The following EPHB6 variants were observed in gnomAD, a reference collection of about 807,000 sequenced individuals.
EPHB6 encodes EPH receptor B6.
EPHB6 carries 51 observed loss-of-function variants against 107.0 expected under a neutral mutation model. The ratio of observed to expected loss-of-function variants is 0.48; its 90% CI spans 0.38 to 0.60. EPHB6 has a LOEUF of 0.60. Among genes scored for constraint, EPHB6 ranks in the 20% least tolerant of loss-of-function variants. EPHB6 has a pLI of 0.00. For synonymous variants in EPHB6, 553 were observed against 549.0 expected (o/e 1.01, Z -0.10); for missense variants, 1,141 against 1,355.5 (o/e 0.84, Z 2.48).
In EPHB6 at chr7:142,867,410, G is replaced by A; in HGVS notation, c.1751-198G>A. 4.5e-6 allele frequency: 3 copies of A among 659,828 alleles called. No homozygotes were observed. The highest frequency in any genetic ancestry group is 8.3e-6 in the Non-Finnish European group (3 of 362,430). The allele number at this position is 659,828 out of a possible 1,614,324, so 40.9% of individuals were successfully genotyped here. ...GAGGGCTGTGGGGATGTGTGTGTGT[G>A]TTGTGTGTCCCTGTGTGTGGATGTG... On this transcript the variant is annotated intron_variant, in intron 11 of 19. Coordinates refer to ENST00000652003, the MANE Select transcript of EPHB6 (RefSeq NM_004445.6). This position sits in a 1 kb window ranked among gnomAD's most constrained non-coding sequence, Gnocchi z 5.3.
In EPHB6 at chr7:142,866,105, T is replaced by C. The variant is rs1803158772; in HGVS notation, c.1251T>C (p.Pro417=). ...VCKECEGRQE[P]ASGGGGTCHR... ...AGGAGTGTGAAGGCCGCCAGGAACC[T>C]GCCAGCGGTGGTGGGGGCACTTGTC... Residue 417 remains proline, a synonymous_variant, in exon 9 of 20, where the codon CCT becomes CCC. Coordinates refer to ENST00000652003, the MANE Select transcript of EPHB6 (RefSeq NM_004445.6). This position sits in a 1 kb window ranked among gnomAD's most constrained non-coding sequence, Gnocchi z 5.2. 2 of 1,612,820 alleles carry C rather than the reference T, an allele frequency of 1.2e-6. No individual in the cohort carries two copies. Among genetic ancestry groups the C allele is most frequent in the South Asian group, 2.2e-5 (2 of 90,866 alleles).
chr7:142,860,870 G>C (rs1021078326), intron 1 of EPHB6, among the ~76,000 whole-genome samples, 182 bp from the exon 2 acceptor site: 1 of 152,152 alleles, frequency 6.6e-6, no homozygotes, highest in East Asian at 1.9e-4. Context: ...TTTCATATTT[G>C]TTGCAATTAA....
intron 2 of EPHB6, 52 bp from the exon 3 acceptor site, chr7:142,861,965 A>G (rs1403294113): frequency 2.6e-5 from 4 of 152,236 alleles, no homozygotes; most frequent in Non-Finnish European, 5.9e-5. Context: ...CTGCCATAAC[A>G]AAGTGCAATA....
Position 142,866,311 on chromosome 7 carries a change from A to G in EPHB6, c.1457A>G (p.His486Arg). The G allele has an allele frequency of 1.9e-6, 3 of 1,613,882 alleles. No individual in the cohort carries two copies. Among genetic ancestry groups the G allele is most frequent in the Non-Finnish European group, 2.5e-6 (3 of 1,179,998 alleles). The change falls in exon 9 of 20, where the codon CAT (histidine) becomes CGT (arginine). Residue 486 changes from histidine (H) to arginine (R), a missense_variant. Around this residue, in one of 3 missense-constraint regions of EPHB6, gnomAD observed 616 missense variants for 759.3 expected, o/e 0.81. Coordinates refer to ENST00000652003, the MANE Select transcript of EPHB6 (RefSeq NM_004445.6). This position sits in a 1 kb window ranked among gnomAD's most constrained non-coding sequence, Gnocchi z 5.2. ...QAAAINVSTS[H>R]EVPSAVPVVH... is the part of the protein sequence containing the mutation. Reference sequence around the variant, plus strand: ...GCAGCCATCAATGTCAGCACCAGCCATGAAGGTGAGCTCTTTTCCTTGGCC... The same window carrying G: ...GCAGCCATCAATGTCAGCACCAGCCGTGAAGGTGAGCTCTTTTCCTTGGCC...
At chr7:142,864,879 C>A in intron 7 of EPHB6, 130 bp downstream of exon 7, 1 of 1,109,372 alleles carries the variant, frequency 9.0e-7, no homozygotes, top group Non-Finnish European at 1.3e-6. Flanking sequence ...AGGAAAGGAC[C>A]CTGATTTTCC....
rs199837644 is a variant in EPHB6, at chr7:142,866,157, G to A, written c.1303G>A (p.Asp435Asn). 9.5e-5 allele frequency: 154 copies of A among 1,613,948 alleles called. No homozygotes were observed. Among genetic ancestry groups the A allele is most frequent in the Non-Finnish European group, 1.2e-4 (136 of 1,180,028 alleles). ...CCGCTGCAGGGATGAGGTCCACTTC[G>A]ACCCTCGCCAGAGAGGCCTGACTGA... ...CHRCRDEVHFDPRQRGLTESR... is the reference protein window; with the variant it reads ...CHRCRDEVHFNPRQRGLTESR... Residue 435 changes from aspartate to asparagine, a missense_variant, in exon 9 of 20, where the codon GAC becomes AAC. Physicochemically the swap from Asp to Asn is conservative, Grantham distance 23. This residue lies in a region of EPHB6 where 304 missense variants were observed against 295.7 expected (regional missense o/e 1.03). Transcript: ENST00000652003. The surrounding 1 kb of genome is among the most constrained non-coding windows in gnomAD (Gnocchi z 5.2).
In EPHB6 at chr7:142,863,148, C is replaced by G. The variant is rs925845214; in HGVS notation, c.-80C>G. On this transcript the variant is annotated 5_prime_UTR_variant, in exon 5 of 20. Transcript: ENST00000652003. ...TCAGGAAGCAAGCTTAGCTGTACAC[C>G]CTGAGTCTTGCAAAAGCTGCAGCCC... 8.1e-7 allele frequency: 1 copy of G among 1,239,320 alleles called. No homozygotes were observed. Among genetic ancestry groups the G allele is most frequent in the Non-Finnish European group, 1.2e-6 (1 of 852,206 alleles). The allele number at this position is 1,239,320 out of a possible 1,614,324, so 76.8% of individuals were successfully genotyped here.
rs759878856 is a variant in EPHB6 at position 142,867,496 on chromosome 7, G to A, written c.1751-112G>A. 1.7e-5 allele frequency: 15 copies of A among 876,414 alleles called. No individual in the cohort carries two copies. The highest frequency in any genetic ancestry group is 2.6e-5 in the East Asian group (1 of 38,120). The allele number at this position is 876,414 out of a possible 1,614,324, so 54.3% of individuals were successfully genotyped here. Reference sequence around the variant, plus strand: ...CTGTGCATGGATGTGGGAGGTTTGGGGCATGCGCGTGCATGTTGTGTGTGC... The same window carrying A: ...CTGTGCATGGATGTGGGAGGTTTGGAGCATGCGCGTGCATGTTGTGTGTGC... On this transcript the variant is annotated intron_variant, in intron 11 of 19. Transcript: ENST00000652003. This position sits in a 1 kb window ranked among gnomAD's most constrained non-coding sequence, Gnocchi z 5.3.
chr7:142,866,611 C>G lies in EPHB6; in HGVS notation c.1587+6C>G. On this transcript the variant is annotated splice_donor_region_variant and intron_variant, in intron 10 of 19. Transcript: ENST00000652003. This position sits in a 1 kb window ranked among gnomAD's most constrained non-coding sequence, Gnocchi z 5.2. Reference sequence around the variant, plus strand: ...AGCTCCGCTACTATGACCAGGTGCGCAGGAGGAGTGGGGGTTCCGCAGTAG... The same window carrying G: ...AGCTCCGCTACTATGACCAGGTGCGGAGGAGGAGTGGGGGTTCCGCAGTAG... 6.2e-7 allele frequency: 1 copy of G among 1,613,934 alleles called. No individual in the cohort carries two copies. The highest frequency in any genetic ancestry group is 1.7e-4 in the Middle Eastern group (1 of 6,058).
chr7:142,867,521 C>T lies in EPHB6; in HGVS notation c.1751-87C>T. 9.0e-7 allele frequency: 1 copy of T among 1,113,920 alleles called. No homozygotes were observed. The allele number at this position is 1,113,920 out of a possible 1,614,324, so 69.0% of individuals were successfully genotyped here. A position where few individuals can be genotyped will look rare whatever the true frequency, so the allele number is the denominator to read the frequency against. ...GGCATGCGCGTGCATGTTGTGTGTG[C>T]CTGTGGTGTGTGTGGGTGCCTGGGC... is the stretch of plus-strand genomic sequence containing the variant. On this transcript the variant is annotated intron_variant, in intron 11 of 19. Coordinates refer to ENST00000652003, the MANE Select transcript of EPHB6 (RefSeq NM_004445.6). The surrounding 1 kb of genome is among the most constrained non-coding windows in gnomAD (Gnocchi z 5.3).
chr7:142,871,083 G>A lies in EPHB6; in HGVS notation c.*179G>A. 1 of 707,736 alleles carries A rather than the reference G, an allele frequency of 1.4e-6. No individual in the cohort carries two copies. The highest frequency in any genetic ancestry group is 2.5e-6 in the Non-Finnish European group (1 of 406,252). 43.8% of individuals were successfully genotyped at this position (707,736 alleles called of 1,614,324 possible). ...CCCCCTCCTCATTAAAGGGAAAGAA[G>A]GGAATTTGCAGGTTTGGTGTGGTGA... On this transcript the variant is annotated 3_prime_UTR_variant, in exon 20 of 20. Transcript: ENST00000652003.
In EPHB6 at chr7:142,864,111, A is replaced by G. The variant is rs1684361352; in HGVS notation, c.311A>G (p.His104Arg). 5.0e-6 allele frequency: 8 copies of G among 1,613,872 alleles called. No individual in the cohort carries two copies. Among genetic ancestry groups the G allele is most frequent in the Non-Finnish European group, 6.8e-6 (8 of 1,180,040 alleles). ...GAGCGGCGCGGGGCCCAGAGGGCGC[A>G]CATTCGACTCCACTTCTCTGTGCGG... Reference protein sequence around the residue: ...FVERRGAQRAHIRLHFSVRAC... With the variant: ...FVERRGAQRARIRLHFSVRAC... Residue 104 changes from histidine (H) to arginine (R), a missense_variant, in exon 7 of 20, where the codon CAC becomes CGC. By Grantham distance (29) the His-to-Arg change is conservative (BLOSUM62 0). Around this residue, in one of 3 missense-constraint regions of EPHB6, gnomAD observed 221 missense variants for 300.5 expected, o/e 0.74. Transcript: ENST00000652003.
Position 142,863,984 on chromosome 7 carries a change from C to T in EPHB6, c.184C>T (p.Leu62=), listed in dbSNP as rs1469272736. 2.5e-6 allele frequency: 4 copies of T among 1,614,118 alleles called. No individual in the cohort carries two copies. Among genetic ancestry groups the T allele is most frequent in the Non-Finnish European group, 3.4e-6 (4 of 1,180,046 alleles). The change falls in exon 7 of 20, where the codon CTG becomes TTG. Residue 62 remains leucine, a synonymous_variant. Transcript: ENST00000652003. ...PPGGWDEVSV[L]DDQRRLTRTF... is the part of the protein sequence containing the mutation. ...CCTGCAGTGGGACGAGGTGAGTGTT[C>T]TGGACGACCAGCGACGCCTGACTCG...
chr7:142,866,255 G>T lies in EPHB6; in HGVS notation c.1401G>T (p.Val467=), dbSNP rs779312926. The T allele has an allele frequency of 1.4e-5, 22 of 1,613,932 alleles. No homozygotes were observed. Among genetic ancestry groups the T allele is most frequent in the Non-Finnish European group, 1.9e-5 (22 of 1,180,008 alleles). Residue 467 remains valine (V), a synonymous_variant, in exon 9 of 20, where the codon GTG becomes GTT. Coordinates refer to ENST00000652003, the MANE Select transcript of EPHB6 (RefSeq NM_004445.6). This position sits in a 1 kb window ranked among gnomAD's most constrained non-coding sequence, Gnocchi z 5.2. ...YILEVQAVNG[V]SELSPDPPQA... is the part of the protein sequence containing the mutation. ...TAGAGGTGCAGGCTGTTAATGGGGT[G>T]TCTGAGCTCAGCCCTGACCCTCCTC...
chr7:142,865,684 A>C (rs1476046957), intron 8 of EPHB6, 54 bp downstream of exon 8: 18 of 1,599,382 alleles, frequency 1.1e-5, no homozygotes, highest in Non-Finnish European at 1.3e-5. Flanking sequence ...AGGGGCCAGA[A>C]GTGGGGGTAG....
chr7:142,867,459 T>G lies in EPHB6; in HGVS notation c.1751-149T>G. The G allele has an allele frequency of 1.4e-6, 1 of 712,324 alleles. No individual in the cohort carries two copies. The highest frequency in any genetic ancestry group is 2.5e-6 in the Non-Finnish European group (1 of 395,772). 44.1% of individuals were successfully genotyped at this position (712,324 alleles called of 1,614,324 possible). ...TGGGAGGGCTGTGGGCGTGTGTGTGTGTTGTGTGTCCCTGTGCATGGATGT... is the reference window on the plus strand; with the variant it reads ...TGGGAGGGCTGTGGGCGTGTGTGTGGGTTGTGTGTCCCTGTGCATGGATGT... On this transcript the variant is annotated intron_variant, in intron 11 of 19. Transcript: ENST00000652003. This position sits in a 1 kb window ranked among gnomAD's most constrained non-coding sequence, Gnocchi z 5.3.
chr7:142,870,999 C>A lies in EPHB6; in HGVS notation c.*95C>A. ...TCCAACAGCCTCTGTGAGAGATGCC[C>A]CACACCAAACCCAACCCTCCCGATG... On this transcript the variant is annotated 3_prime_UTR_variant, in exon 20 of 20. Coordinates refer to ENST00000652003, the MANE Select transcript of EPHB6 (RefSeq NM_004445.6). 8.6e-7 allele frequency: 1 copy of A among 1,166,078 alleles called. No individual in the cohort carries two copies. 72.2% of individuals were successfully genotyped at this position (1,166,078 alleles called of 1,614,324 possible). A position where few individuals can be genotyped will look rare whatever the true frequency, so the allele number is the denominator to read the frequency against.
Position 142,868,884 on chromosome 7 carries a change from C to G in EPHB6, c.2287-90C>G. 1 of 1,586,734 alleles carries G rather than the reference C, an allele frequency of 6.3e-7. No homozygotes were observed. The highest frequency in any genetic ancestry group is 1.1e-5 in the South Asian group (1 of 89,426). ...AGCCATTTTCTGATTCGACACCCTC[C>G]CGCTCTCATGCTGTTGTCTGCTATG... is the stretch of plus-strand genomic sequence containing the variant. On this transcript the variant is annotated intron_variant, in intron 15 of 19. Transcript: ENST00000652003. The surrounding 1 kb of genome is among the most constrained non-coding windows in gnomAD (Gnocchi z 4.2).
chr7:142,870,495 G>A (rs1794858226), intron 18 of EPHB6, 35 bp from the exon 19 acceptor site: 1 of 1,613,970 alleles, frequency 6.2e-7, no homozygotes, highest in Non-Finnish European at 8.5e-7. Flanking sequence ...AAGATGAAGA[G>A]GAGACCTTGA....
Sources: gnomAD v4.1 joint callset for allele counts (sites outside exome capture counted in the v4.1 genomes callset) on GRCh38, gnomAD v4.1.1 for gene constraint, gnomAD v4.1.1 regional missense constraint, Gnocchi (gnomAD v3.1) non-coding constraint, MANE v1.5 for transcripts, NCBI Gene and HGNC (gene_info 2026-07-23, HGNC 2026-07-21) for gene names.